Variants in MALL observed in about 807,000 individuals in gnomAD.
The protein encoded by MALL is mal, T cell differentiation protein like.
A neutral mutation model predicts 10.3 loss-of-function variants in MALL; 2 were observed. The observed-to-expected ratio is 0.19, with a 90% CI of 0.08 to 0.61. MALL has a LOEUF of 0.61. Among genes scored for constraint, MALL ranks in the 20% least tolerant of loss-of-function variants. The probability of loss-of-function intolerance (pLI) is 0.88; values close to 1 mark genes in which losing one functional copy is unlikely to be tolerated. For synonymous variants in MALL, 27 were observed against 51.8 expected, an observed-to-expected ratio of 0.52 and a Z score of 2.05; for missense variants, 39 against 115.2, an observed-to-expected ratio of 0.34 and a Z score of 3.03.
chr2:110,104,969 A>G (rs979143454), intron 1 of MALL, among the ~76,000 whole-genome samples: 3 of 152,198 alleles, frequency 2.0e-5, no homozygotes, highest in South Asian at 4.1e-4. Flanking sequence ...ATGACCGCCA[A>G]TGCTAAAGTA....
At chr2:110,097,239 G>A (rs1400268435) in intron 1 of MALL, among the ~76,000 whole-genome samples, 1 of 152,056 alleles carries the variant, frequency 6.6e-6, no homozygotes, top group African/African-American at 2.4e-5. Flanking sequence ...CTGTGTATAT[G>A]TGCATTTGTT....
chr2:110,108,860 AC>A (rs1340903011), intron 1 of MALL, among the ~76,000 whole-genome samples: 2 of 151,910 alleles, frequency 1.3e-5, no homozygotes, highest in Non-Finnish European at 2.9e-5. Flanking sequence ...AAACCCTACA[AC>A]CTAGAAGAGA....
chr2:110,100,300 G>A (rs1161242166), intron 1 of MALL, among the ~76,000 whole-genome samples: 1 of 152,110 alleles, frequency 6.6e-6, no homozygotes, highest in African/African-American at 2.4e-5. Context: ...GCAACAAAAT[G>A]AGATACTGTC....
intron 1 of MALL, among the ~76,000 whole-genome samples, chr2:110,102,033 C>T (rs1433026299): frequency 6.6e-6 from 1 of 152,102 alleles, no homozygotes; most frequent in Non-Finnish European, 1.5e-5. Context: ...TCTCACTCTC[C>T]CTGTACATTG....
At chr2:110,105,225 G>GT (rs1243552787) in intron 1 of MALL, among the ~76,000 whole-genome samples, 1 of 152,218 alleles carries the variant, frequency 6.6e-6, no homozygotes, top group Non-Finnish European at 1.5e-5. Context: ...TGAATACACA[G>GT]TGCCCTCCCA....
chr2:110,117,130 G>A (rs866352542), upstream of MALL, among the ~76,000 whole-genome samples: 4 of 152,068 alleles, frequency 2.6e-5, no homozygotes, highest in East Asian at 1.9e-4. Flanking sequence ...CCCAGGCTAC[G>A]GAAACTAGGA....
intron 1 of MALL, among the ~76,000 whole-genome samples, chr2:110,098,647 G>A (rs1678495463): frequency 6.6e-6 from 1 of 152,046 alleles, no homozygotes; most frequent in Non-Finnish European, 1.5e-5. Flanking sequence ...CCACCTTTTG[G>A]CTATTGTGAA....
chr2:110,110,008 T>C (rs1678771389), intron 1 of MALL, among the ~76,000 whole-genome samples: 1 of 152,122 alleles, frequency 6.6e-6, no homozygotes, highest in East Asian at 1.9e-4. Flanking sequence ...AATTTAAAAA[T>C]TCTTCAAACT....
At chr2:110,108,289 A>G (rs1296881871) in intron 1 of MALL, among the ~76,000 whole-genome samples, 2 of 152,172 alleles carry the variant, frequency 1.3e-5, no homozygotes, top group Non-Finnish European at 2.9e-5. Context: ...CCAAAAAATG[A>G]TACAAGAAGT....
At chr2:110,117,492 G>A (rs1184630437), upstream of MALL, among the ~76,000 whole-genome samples, 1 of 151,880 alleles carries the variant, frequency 6.6e-6, no homozygotes, top group Non-Finnish European at 1.5e-5. Context: ...AAGAAATGAA[G>A]ATATGCCTTG....
intron 1 of MALL, among the ~76,000 whole-genome samples, chr2:110,104,320 C>G (rs528260955): frequency 1.3e-5 from 2 of 152,214 alleles, no homozygotes; most frequent in East Asian, 1.9e-4. Context: ...GTATTGAATC[C>G]CCTCTGTGTG....
chr2:110,115,317 C>G (rs1351036629), intron 1 of MALL, among the ~76,000 whole-genome samples: 1 of 152,136 alleles, frequency 6.6e-6, no homozygotes, highest in Non-Finnish European at 1.5e-5. Flanking sequence ...CGACGTCCCC[C>G]CAGGCCTCCA....
At chr2:110,100,495 A>T (rs2104384800) in intron 1 of MALL, among the ~76,000 whole-genome samples, 1 of 151,976 alleles carries the variant, frequency 6.6e-6, no homozygotes, top group African/African-American at 2.4e-5. Context: ...AAAAAAACTT[A>T]AGCAGACTAG....
intron 1 of MALL, among the ~76,000 whole-genome samples, chr2:110,113,309 G>A (rs1678844911): frequency 6.6e-6 from 1 of 151,488 alleles, no homozygotes; most frequent in Non-Finnish European, 1.5e-5. Context: ...CATGGTGGGG[G>A]CACCTGTAGT....
rs1678902059 is a variant in MALL, at chr2:110,115,690, G to A, written c.103C>T (p.Leu35=). 1 of 1,279,778 alleles carries A rather than the reference G, an allele frequency of 7.8e-7. No homozygotes were observed. The highest frequency in any genetic ancestry group is 2.1e-4 in the Middle Eastern group (1 of 4,730). 79.3% of individuals were successfully genotyped at this position (1,279,778 alleles called of 1,614,324 possible). A position where few individuals can be genotyped will look rare whatever the true frequency, so the allele number is the denominator to read the frequency against. ...TIPFAFFLPE[L]IFGFLVWTMV... is the part of the protein sequence containing the mutation. ...CGGGTCGGGGGTGCCGCACTCACCA[G>A]CTCGGGCAGGAAGAAGGCGAAAGGG... The change falls in exon 1 of 4, where the codon CTG becomes TTG. Residue 35 remains leucine, a splice_region_variant and synonymous_variant. Coordinates refer to ENST00000272462, the MANE Select transcript of MALL (RefSeq NM_005434.5).
intron 1 of MALL, among the ~76,000 whole-genome samples, chr2:110,103,932 C>T (rs1574034057): frequency 2.6e-5 from 4 of 152,098 alleles, no homozygotes; most frequent in Non-Finnish European, 5.9e-5. Context: ...TGGGCTCCCT[C>T]GGTGGCTGAT....
At chr2:110,117,756 G>A (rs2104400796), upstream of MALL, among the ~76,000 whole-genome samples, 1 of 152,092 alleles carries the variant, frequency 6.6e-6, no homozygotes, top group East Asian at 1.9e-4. Context: ...GTACCTGCCT[G>A]GCTGCTACTT....
chr2:110,099,161 T>C (rs894584428), intron 1 of MALL, among the ~76,000 whole-genome samples: 11 of 151,948 alleles, frequency 7.2e-5, no homozygotes, highest in Non-Finnish European at 1.3e-4. Context: ...TCATGCAAAA[T>C]GAGTGGGAGT....
intron 1 of MALL, 139 bp downstream of exon 1, chr2:110,115,542 CCCTCTCT>C (rs1678896215): frequency 4.6e-6 from 2 of 430,444 alleles, no homozygotes; most frequent in Admixed American, 4.5e-5. Flanking sequence ...GTCTCCCCCC[CCCTCTCT>C]GCAGGTGGCC....
Sources: gnomAD v4.1 joint callset for allele counts (sites outside exome capture counted in the v4.1 genomes callset) on GRCh38, gnomAD v4.1.1 for gene constraint, MANE v1.5 for transcripts, NCBI Gene and HGNC (gene_info 2026-07-23, HGNC 2026-07-21) for gene names.